TENM2: variants seen among roughly 807,000 people sequenced by gnomAD.
TENM2 encodes teneurin-2.
In TENM2, 52 loss-of-function variants were observed where a neutral mutation model predicts 245.2. The ratio of observed to expected loss-of-function variants is 0.21; its 90% confidence interval spans 0.17 to 0.27. The LOEUF (loss-of-function observed/expected upper bound fraction) is 0.27, where lower values mean the gene tolerates loss of function less well. Ranked by LOEUF, TENM2 falls within the 10% of genes least tolerant of loss-of-function variation. The probability of loss-of-function intolerance (pLI) is 1.00; values close to 1 mark genes in which losing one functional copy is unlikely to be tolerated. For missense variants in TENM2, 3,046 were observed against 3,666.8 expected (o/e 0.83, Z 4.37); for synonymous variants, 1,363 against 1,438.9 (o/e 0.95, Z 1.19).
At chr5:167,128,685 A>G in the TENM2 span, among the ~76,000 whole-genome samples, 2 of 152,140 alleles carry the variant, frequency 1.3e-5, no homozygotes, top group Non-Finnish European at 2.9e-5. Context: ...TTGCCTTCCA[A>G]TCACAGTTAG....
chr5:167,765,867 A>G (rs1762984890), intron 2 of TENM2, among the ~76,000 whole-genome samples: 2 of 152,184 alleles, frequency 1.3e-5, no homozygotes, highest in South Asian at 2.1e-4. Context: ...TACTCTTCAC[A>G]GGTCTACATT....
At chr5:167,778,129 T>C (rs1342261972) in intron 2 of TENM2, among the ~76,000 whole-genome samples, 1 of 152,162 alleles carries the variant, frequency 6.6e-6, no homozygotes, top group African/African-American at 2.4e-5. Flanking sequence ...AAGGGATCCA[T>C]CAAGGTAGTC....
At chr5:167,488,094 T>G (rs1768195149) in intron 2 of TENM2, among the ~76,000 whole-genome samples, 1 of 152,192 alleles carries the variant, frequency 6.6e-6, no homozygotes, top group African/African-American at 2.4e-5. Context: ...CTCTTTCTCC[T>G]GCTCTAATAT....
chr5:167,060,243 G>A, the TENM2 span, among the ~76,000 whole-genome samples: 1 of 152,084 alleles, frequency 6.6e-6, no homozygotes, highest in Non-Finnish European at 1.5e-5. Flanking sequence ...GCCTTGTAAA[G>A]TGTATCAACC....
At position 167,363,105 on chromosome 5, in the gene TENM2, G is replaced by T. The variant is rs1759813526; in HGVS notation, c.227-12093G>T. Among the ~76,000 whole-genome samples the T allele has an allele frequency of 2.0e-5, 3 of 152,136 alleles. No individual in the cohort carries two copies. The South Asian group carries it at 6.2e-4, about 32-fold the overall frequency. On this transcript the variant is annotated intron_variant, in intron 1 of 28. Transcript: ENST00000518659. The stretch of plus-strand genomic sequence containing the variant: ...AGTAAGAGAACTCTCCATCCAGGCA[G>T]ATTTAAAACAAAATAGAAGAAGAAA...
At chr5:168,165,658 C>T (rs1463096867) in intron 13 of TENM2, among the ~76,000 whole-genome samples, 5 of 96,140 alleles carry the variant, frequency 5.2e-5, no homozygotes, top group Non-Finnish European at 9.4e-5. Flanking sequence ...ACCCCCCCCC[C>T]CCCCCCGGCT....
intron 4 of TENM2, among the ~76,000 whole-genome samples, chr5:167,991,486 AG>A (rs1190764122): frequency 1.3e-5 from 2 of 152,218 alleles, no homozygotes; most frequent in Admixed American, 6.5e-5. Flanking sequence ...GTTTTAAACA[AG>A]GTCTAGCAAG....
intron 2 of TENM2, among the ~76,000 whole-genome samples, chr5:167,872,544 GAAAGAGAAAGAAAGAA>G (rs1181143512): frequency 6.1e-5 from 3 of 48,810 alleles, no homozygotes; most frequent in Admixed American, 1.7e-4. Flanking sequence ...AAGAAAGAAA[GAAAGAGAAAGAAAGAA>G]AGAAAGAAAG....
chr5:168,205,782 C>T (rs1762305354), intron 19 of TENM2, among the ~76,000 whole-genome samples: 1 of 152,062 alleles, frequency 6.6e-6, no homozygotes, highest in Non-Finnish European at 1.5e-5. Context: ...TTGCAATGAA[C>T]AAGCAATGGA....
chr5:167,120,121 C>T, the TENM2 span, among the ~76,000 whole-genome samples: 1 of 152,102 alleles, frequency 6.6e-6, no homozygotes, highest in South Asian at 2.1e-4. Flanking sequence ...GAGGAAGGTA[C>T]ATGCCATAGA....
At chr5:167,264,948 T>C in the TENM2 span, among the ~76,000 whole-genome samples, 2 of 152,124 alleles carry the variant, frequency 1.3e-5, no homozygotes, top group Admixed American at 6.6e-5. Context: ...AAGATTTTGT[T>C]ATCTAAAGCA....
chr5:167,319,389 G>A (rs1043589819), intron 1 of TENM2, among the ~76,000 whole-genome samples: 4 of 151,998 alleles, frequency 2.6e-5, no homozygotes, highest in Non-Finnish European at 5.9e-5. Flanking sequence ...TCCATGTAAA[G>A]GCACTTAACA....
chr5:167,607,279 C>G (rs1777122474), intron 2 of TENM2, among the ~76,000 whole-genome samples: 4 of 152,108 alleles, frequency 2.6e-5, no homozygotes, highest in Admixed American at 1.3e-4. Context: ...ACTGAATGCC[C>G]CACTGAAAGG....
chr5:167,927,252 A>T (rs2151673923), intron 3 of TENM2, among the ~76,000 whole-genome samples: 1 of 152,314 alleles, frequency 6.6e-6, no homozygotes, highest in African/African-American at 2.4e-5. Flanking sequence ...CTAAAGTCAA[A>T]AATCTCTATG....
At chr5:168,095,939 G>C (rs1793331342) in intron 8 of TENM2, among the ~76,000 whole-genome samples, 1 of 152,140 alleles carries the variant, frequency 6.6e-6, no homozygotes, top group Non-Finnish European at 1.5e-5. Flanking sequence ...ACACCTCAGG[G>C]CCTCCCTCAG....
intron 1 of TENM2, among the ~76,000 whole-genome samples, chr5:167,317,203 C>A (rs989304098): frequency 1.3e-5 from 2 of 152,064 alleles, no homozygotes; most frequent in African/African-American, 2.4e-5. Flanking sequence ...AGAAAGGATC[C>A]CTTCAGTAGG....
intron 2 of TENM2, among the ~76,000 whole-genome samples, chr5:167,621,880 T>A (rs1778199941): frequency 6.6e-6 from 1 of 152,134 alleles, no homozygotes; most frequent in Non-Finnish European, 1.5e-5. Flanking sequence ...GTTGTTAACA[T>A]GCATTTTCAA....
At chr5:167,404,645 T>C (rs901109386) in intron 2 of TENM2, among the ~76,000 whole-genome samples, 1 of 152,090 alleles carries the variant, frequency 6.6e-6, no homozygotes, top group African/African-American at 2.4e-5. Context: ...CCAGTGCTGC[T>C]CATATCATTG....
At chr5:168,198,006 G>A (rs1304830667) in intron 15 of TENM2, among the ~76,000 whole-genome samples, 1 of 152,058 alleles carries the variant, frequency 6.6e-6, no homozygotes, top group African/African-American at 2.4e-5. Flanking sequence ...TATTAGCCTA[G>A]GACTGTGCTA....
Sources: gnomAD v4.1 joint callset for allele counts (sites outside exome capture counted in the v4.1 genomes callset) on GRCh38, gnomAD v4.1.1 for gene constraint, MANE v1.5 for transcripts, NCBI Gene and HGNC (gene_info 2026-07-23, HGNC 2026-07-21) for gene names.